TEX9: variants seen among roughly 807,000 people sequenced by gnomAD.
TEX9 encodes testis expressed 9, also known as testis-expressed protein 9.
In TEX9, 74 loss-of-function variants were observed where a neutral mutation model predicts 59.6. The observed-to-expected ratio is 1.24, with a 90% CI of 1.03 to 1.51. The LOEUF is 1.51. TEX9 is among the 40% of genes most tolerant of loss of function. The probability of loss-of-function intolerance (pLI) is 0.00; values close to 1 mark genes in which losing one functional copy is unlikely to be tolerated. For synonymous variants in TEX9, 186 were observed against 152.2 expected (o/e 1.22, Z -1.64); for missense variants, 522 against 447.8 (o/e 1.17, Z -1.49).
intron 1 of TEX9, among the ~76,000 whole-genome samples, chr15:56,281,213 C>A (rs540082598): frequency 6.6e-6 from 1 of 152,144 alleles, no homozygotes; most frequent in Non-Finnish European, 1.5e-5. Context: ...AAAAGTAGAA[C>A]CCCTTTAAAG....
intron 1 of TEX9, among the ~76,000 whole-genome samples, chr15:56,313,360 G>C (rs77916480): frequency 0.41 from 36,625 of 90,150 alleles, 7,764 homozygotes; most frequent in Non-Finnish European, 0.49. Context: ...TAGCATGAAG[G>C]GTTGTTGAAT....
At chr15:56,266,871 T>C (rs1335192253) in intron 1 of TEX9, among the ~76,000 whole-genome samples, 2 of 152,216 alleles carry the variant, frequency 1.3e-5, no homozygotes, top group Non-Finnish European at 2.9e-5. Flanking sequence ...AGATGGTATT[T>C]CTAGTTCTAG....
chr15:56,454,507 T>C, the TEX9 span, among the ~76,000 whole-genome samples: 1 of 152,196 alleles, frequency 6.6e-6, no homozygotes, highest in Non-Finnish European at 1.5e-5. Context: ...CTACTGTTTC[T>C]ATTCAGGATT....
Position 56,384,043 on chromosome 15 carries a change from A to G in TEX9, c.263+12A>G, listed in dbSNP as rs2047855526. On this transcript the variant is annotated intron_variant, in intron 4 of 12. Transcript: ENST00000352903. ...GATTACAGTTTAAGGTAAGTATCTT[A>G]AATTCTCAAGCACCTTCTTTTAAAA... 1.3e-6 allele frequency: 2 copies of G among 1,599,588 alleles called. No individual in the cohort carries two copies. Among genetic ancestry groups the G allele is most frequent in the Non-Finnish European group, 1.7e-6 (2 of 1,170,816 alleles).
chr15:56,409,087 T>C (rs1300995304), intron 9 of TEX9, among the ~76,000 whole-genome samples: 1 of 152,040 alleles, frequency 6.6e-6, no homozygotes, highest in Non-Finnish European at 1.5e-5. Context: ...TCCCAGCTTC[T>C]TGGGAGGCTG....
chr15:56,389,364 T>C, exon 6 of TEX9: 1 of 1,611,136 alleles, frequency 6.2e-7, no homozygotes, highest in Non-Finnish European at 8.5e-7. Context: ...CAAAACAAAT[T>C]ACACTCTGCA....
At chr15:56,264,386 C>T (rs553092108) in intron 1 of TEX9, among the ~76,000 whole-genome samples, 46 of 152,202 alleles carry the variant, frequency 3.0e-4, no homozygotes, top group Non-Finnish European at 5.1e-4. Flanking sequence ...TATTTTCATA[C>T]AGTATCTGCT....
At chr15:56,441,297 T>G (rs1187092903) in intron 12 of TEX9, among the ~76,000 whole-genome samples, 1 of 152,158 alleles carries the variant, frequency 6.6e-6, no homozygotes, top group East Asian at 1.9e-4. Flanking sequence ...ACTTCCTTTA[T>G]GTCCTAGAAT....
intron 12 of TEX9, among the ~76,000 whole-genome samples, chr15:56,442,155 G>C (rs1182951789): frequency 6.6e-6 from 1 of 152,110 alleles, no homozygotes; most frequent in Non-Finnish European, 1.5e-5. Flanking sequence ...CTAATCATTA[G>C]AGAAATGCAA....
chr15:56,357,010 C>A (rs1262528392), intron 1 of TEX9, among the ~76,000 whole-genome samples: 1 of 152,042 alleles, frequency 6.6e-6, no homozygotes, highest in African/African-American at 2.4e-5. Context: ...AGAGATAGGG[C>A]TATAAGAATA....
intron 1 of TEX9, among the ~76,000 whole-genome samples, chr15:56,357,054 T>C (rs1179097219): frequency 1.3e-5 from 2 of 152,126 alleles, no homozygotes; most frequent in African/African-American, 4.8e-5. Context: ...AGGCTCACTG[T>C]TTCCTGAGAT....
chr15:56,442,530 C>G (rs544705458), intron 12 of TEX9, among the ~76,000 whole-genome samples: 1 of 152,296 alleles, frequency 6.6e-6, no homozygotes, highest in East Asian at 1.9e-4. Flanking sequence ...AAATGTGGTA[C>G]ATGTACACCA....
chr15:56,250,463 A>C (rs1253777069), intron 1 of TEX9, among the ~76,000 whole-genome samples: 1 of 152,236 alleles, frequency 6.6e-6, no homozygotes, highest in African/African-American at 2.4e-5. Context: ...ATGACAAGAC[A>C]CACAGAAGAC....
intron 1 of TEX9, among the ~76,000 whole-genome samples, chr15:56,358,527 T>TA (rs1316101961): frequency 1.3e-5 from 2 of 152,112 alleles, no homozygotes; most frequent in African/African-American, 4.8e-5. Flanking sequence ...ACCCTGCACC[T>TA]AGTTTTCCCT....
intron 9 of TEX9, chr15:56,396,303 C>T (rs1221813685): frequency 6.6e-6 from 1 of 152,080 alleles, no homozygotes; most frequent in Non-Finnish European, 1.5e-5. Flanking sequence ...ATCAAAATCA[C>T]TTAGACAAAA....
downstream of TEX9, chr15:56,447,126 A>AT (rs1356882420): frequency 4.1e-5 from 21 of 515,588 alleles, no homozygotes; most frequent in Non-Finnish European, 6.9e-5. Flanking sequence ...TAGGGCTTAC[A>AT]TTTTCTGGTT....
chr15:56,426,626 T>TATATATATATATATACACAC (rs1214988827), intron 10 of TEX9, among the ~76,000 whole-genome samples: 16 of 47,188 alleles, frequency 3.4e-4, no homozygotes, highest in Admixed American at 6.8e-4. Context: ...TATATATATA[T>TATATATATATATATACACAC]ACACACACAC....
At chr15:56,423,397 G>A (rs952357957) in intron 10 of TEX9, among the ~76,000 whole-genome samples, 1 of 152,026 alleles carries the variant, frequency 6.6e-6, no homozygotes, top group Admixed American at 6.6e-5. Flanking sequence ...TTTTCCGTCC[G>A]CTGTTGATTT....
chr15:56,427,689 ATAGGGT>A, exon 11 of TEX9: 1 of 1,532,018 alleles, frequency 6.5e-7, no homozygotes, highest in Non-Finnish European at 8.8e-7. Flanking sequence ...AGAATTAATG[ATAGGGT>A]TCAAGAAACA....
Sources: gnomAD v4.1 joint callset for allele counts (sites outside exome capture counted in the v4.1 genomes callset) on GRCh38, gnomAD v4.1.1 for gene constraint, MANE v1.5 for transcripts, NCBI Gene and HGNC (gene_info 2026-07-23, HGNC 2026-07-21) for gene names.